The following CBX5 variants were observed in gnomAD, a reference collection of about 807,000 sequenced individuals.
CBX5 encodes the protein chromobox 5, also known as chromobox protein homolog 5.
CBX5 carries 7 observed loss-of-function variants against 20.7 expected under a neutral mutation model. That is an observed-to-expected ratio of 0.34 (90% confidence interval 0.19 to 0.63). The LOEUF (loss-of-function observed/expected upper bound fraction) is 0.63. Among genes scored for constraint, CBX5 ranks in the 30% least tolerant of loss-of-function variants. CBX5 has a pLI of 0.75. For synonymous variants in CBX5, 78 were observed against 77.0 expected (o/e 1.01, Z -0.07); for missense variants, 110 against 224.1 (o/e 0.49, Z 3.25).
intron 2 of CBX5, 109 bp downstream of exon 2, chr12:54,257,405 G>C (rs1164763065): frequency 9.2e-7 from 1 of 1,083,872 alleles, no homozygotes; most frequent in Non-Finnish European, 1.4e-6. Context: ...CTTAGGAAGA[G>C]TGCAGGAGGG....
intron 4 of CBX5, among the ~76,000 whole-genome samples, chr12:54,244,805 ACTT>A (rs1396199319): frequency 6.6e-6 from 1 of 152,124 alleles, no homozygotes. Flanking sequence ...GGATGAAATA[ACTT>A]GTGCTTTGGC....
chr12:54,263,917 C>T (rs927593527), intron 1 of CBX5, among the ~76,000 whole-genome samples: 19 of 151,886 alleles, frequency 1.3e-4, no homozygotes, highest in African/African-American at 4.3e-4. Context: ...GTGGCGGGAG[C>T]CTGTAGTCCC....
At chr12:54,248,744 G>C (rs1034819489) in intron 3 of CBX5, among the ~76,000 whole-genome samples, 1 of 152,178 alleles carries the variant, frequency 6.6e-6, no homozygotes, top group African/African-American at 2.4e-5. Context: ...CTGAAAAGGA[G>C]CCAGGGCGAA....
At chr12:54,268,876 CTACTTA>C (rs1282023415) in intron 1 of CBX5, among the ~76,000 whole-genome samples, 1 of 152,106 alleles carries the variant, frequency 6.6e-6, no homozygotes, top group Non-Finnish European at 1.5e-5. Context: ...GTTATTAGCC[CTACTTA>C]AACATCTGTT....
intron 3 of CBX5, 130 bp from the exon 4 acceptor site, chr12:54,246,345 T>C (rs1943735628): frequency 1.5e-6 from 1 of 651,326 alleles, no homozygotes; most frequent in South Asian, 1.9e-5. Flanking sequence ...TTCAGAAAAA[T>C]TTTTAGAACT....
intron 1 of CBX5, among the ~76,000 whole-genome samples, chr12:54,267,173 T>C (rs1943964999): frequency 6.6e-6 from 1 of 152,212 alleles, no homozygotes; most frequent in Non-Finnish European, 1.5e-5. Flanking sequence ...ACAAAGAACC[T>C]GGCAATTTCA....
intron 2 of CBX5, among the ~76,000 whole-genome samples, chr12:54,256,632 G>C (rs1341880433): frequency 2.0e-5 from 3 of 152,000 alleles, no homozygotes; most frequent in Non-Finnish European, 4.4e-5. Context: ...GCACTATAAA[G>C]TATAAAATAC....
At chr12:54,260,941 A>G (rs1943910824) in intron 1 of CBX5, among the ~76,000 whole-genome samples, 1 of 152,116 alleles carries the variant, frequency 6.6e-6, no homozygotes, top group South Asian at 2.1e-4. Context: ...CTGTAATCCC[A>G]GCACTTTGGG....
At position 54,242,207 on chromosome 12, in the gene CBX5, G is replaced by A. The variant is rs753068843; in HGVS notation, c.426-302C>T. ...TTCCAAAATTTTTATTTGTGAATATGAGCATGTGAGTGAACCCAATCAAAC... is the reference window on the plus strand; with the variant it reads ...TTCCAAAATTTTTATTTGTGAATATAAGCATGTGAGTGAACCCAATCAAAC... On this transcript the variant is annotated intron_variant, in intron 4 of 4. Transcript: ENST00000209875. Among the ~76,000 whole-genome samples the A allele has an allele frequency of 2.0e-5, 3 of 152,212 alleles. No individual in the cohort carries two copies. In the South Asian group the frequency reaches 6.2e-4, roughly 32 times the overall value.
At chr12:54,261,887 T>G (rs1225768039) in intron 1 of CBX5, among the ~76,000 whole-genome samples, 2 of 152,070 alleles carry the variant, frequency 1.3e-5, no homozygotes, top group African/African-American at 4.8e-5. Context: ...AAACCAAAGA[T>G]CTATTAAGTC....
chr12:54,263,762 C>CAAAAAA (rs66591051), intron 1 of CBX5, among the ~76,000 whole-genome samples: 27 of 37,508 alleles, frequency 7.2e-4, no homozygotes, highest in Non-Finnish European at 1.0e-3. Flanking sequence ...GACTCTATCT[C>CAAAAAA]AAAAAAAAAA....
In CBX5 at chr12:54,240,668, T is replaced by C. The variant is rs776532267; in HGVS notation, c.*1087A>G. On this transcript the variant is annotated 3_prime_UTR_variant, in exon 5 of 5. Coordinates refer to ENST00000209875, the MANE Select transcript of CBX5 (RefSeq NM_012117.3). The stretch of plus-strand genomic sequence containing the variant: ...ACATAACTGCTATGAACACTTAAAA[T>C]TGATATTGTGGCCAACAGCTCACCT... 7.2e-5 allele frequency: 11 copies of C among 152,120 alleles called. No individual in the cohort carries two copies. The highest frequency in any genetic ancestry group is 1.2e-4 in the African/African-American group (5 of 41,422). The allele number at this position is 152,120 out of a possible 1,614,324, so 9.4% of individuals were successfully genotyped here.
Position 54,234,749 on chromosome 12 carries a change from AC to A in CBX5, c.*7005del, listed in dbSNP as rs1943602660. 6.6e-6 allele frequency: 1 copy of A among 152,262 alleles called. No homozygotes were observed. Among genetic ancestry groups the A allele is most frequent in the Non-Finnish European group, 1.5e-5 (1 of 68,050 alleles). The allele number at this position is 152,262 out of a possible 1,614,324, so 9.4% of individuals were successfully genotyped here. A position where few individuals can be genotyped will look rare whatever the true frequency, so the allele number is the denominator to read the frequency against. On this transcript the variant is annotated 3_prime_UTR_variant, in exon 5 of 5. Coordinates refer to ENST00000209875, the MANE Select transcript of CBX5 (RefSeq NM_012117.3). ...ACTCCTTCTCTTACTGACCTCAGAA[AC>A]AAATAGCATTGGAGGATCACTTTCT...
At chr12:54,259,382 G>C (rs970913747) in intron 1 of CBX5, 2 of 152,212 alleles carry the variant, frequency 1.3e-5, no homozygotes, top group East Asian at 3.9e-4. Flanking sequence ...TGCCTCACCA[G>C]GAAAAACAAG....
intron 4 of CBX5, among the ~76,000 whole-genome samples, chr12:54,244,998 A>G (rs1943719909): frequency 6.6e-6 from 1 of 151,064 alleles, no homozygotes; most frequent in South Asian, 2.1e-4. Flanking sequence ...CATGTTTTAT[A>G]TATATATATT....
rs1186251403 is a variant in CBX5 at position 54,236,272 on chromosome 12, T to TA, written c.*5482dup. 6.6e-6 allele frequency: 1 copy of TA among 152,184 alleles called. No homozygotes were observed. Among genetic ancestry groups the TA allele is most frequent in the Non-Finnish European group, 1.5e-5 (1 of 68,028 alleles). The allele number at this position is 152,184 out of a possible 1,614,324, so 9.4% of individuals were successfully genotyped here. ...AACAGAAACATAGCTTGTAAGCACT[T>TA]AAACTATTAATGGTCAGTTCATCAT... On this transcript the variant is annotated 3_prime_UTR_variant, in exon 5 of 5. Transcript: ENST00000209875.
At position 54,251,583 on chromosome 12, in the gene CBX5, A is replaced by G. The variant is rs551553434; in HGVS notation, c.324+458T>C. Among the ~76,000 whole-genome samples, 9 of 150,672 alleles carry G rather than the reference A, an allele frequency of 6.0e-5. No individual in the cohort carries two copies. The East Asian group carries it at 1.8e-3, about 29-fold the overall frequency. On this transcript the variant is annotated intron_variant, in intron 3 of 4. Coordinates refer to ENST00000209875, the MANE Select transcript of CBX5 (RefSeq NM_012117.3). ...GCATGTGCCTATAATCCCAGCTACT[A>G]CTGAGGCATGAGAATCGCTTAAAGC...
intron 1 of CBX5, among the ~76,000 whole-genome samples, chr12:54,266,764 A>C (rs367661337): frequency 6.6e-6 from 1 of 152,168 alleles, no homozygotes; most frequent in Non-Finnish European, 1.5e-5. Context: ...TTCTTGCTTG[A>C]TATCTCATCA....
At chr12:54,271,129 G>C (rs1469166006) in intron 1 of CBX5, among the ~76,000 whole-genome samples, 1 of 152,188 alleles carries the variant, frequency 6.6e-6, no homozygotes, top group East Asian at 1.9e-4. Context: ...TAAACTGTCT[G>C]TGTAAAAGTT....
Sources: gnomAD v4.1 joint callset for allele counts (sites outside exome capture counted in the v4.1 genomes callset) on GRCh38, gnomAD v4.1.1 for gene constraint, MANE v1.5 for transcripts, NCBI Gene and HGNC (gene_info 2026-07-23, HGNC 2026-07-21) for gene names.